ENOX1: variants seen among roughly 807,000 people sequenced by gnomAD.
ENOX1 encodes ecto-NOX disulfide-thiol exchanger 1, also known as candidate growth-related and time keeping constitutive hydroquinone (NADH) oxidase.
A neutral mutation model predicts 82.5 loss-of-function variants in ENOX1; 42 were observed. The ratio of observed to expected loss-of-function variants is 0.51; its 90% confidence interval spans 0.40 to 0.66. The LOEUF is 0.66. Ranked by LOEUF, ENOX1 falls within the 30% of genes least tolerant of loss-of-function variation. The probability of loss-of-function intolerance (pLI) is 0.00; values close to 1 mark genes in which losing one functional copy is unlikely to be tolerated. For missense variants in ENOX1, 608 were observed against 811.6 expected (o/e 0.75, Z 3.05); for synonymous variants, 271 against 282.2 (o/e 0.96, Z 0.40).
chr13:43,282,076 C>T (rs961592058), intron 12 of ENOX1, among the ~76,000 whole-genome samples: 2 of 152,086 alleles, frequency 1.3e-5, no homozygotes, highest in African/African-American at 4.8e-5. Flanking sequence ...GTTGTTAAAA[C>T]CTTCATTTTT....
intron 1 of ENOX1, among the ~76,000 whole-genome samples, chr13:43,719,833 C>T (rs7995113): frequency 0.2 from 30,549 of 152,022 alleles, 3,174 homozygotes; most frequent in South Asian, 0.28. Context: ...GAGTCTCTTG[C>T]CCAATTCTGA....
chr13:43,525,291 C>T (rs112380575), intron 2 of ENOX1, among the ~76,000 whole-genome samples: 1,599 of 152,214 alleles, frequency 0.011, 31 homozygotes, highest in African/African-American at 0.036. Context: ...CCCCTGGCAA[C>T]CACCATTCTA....
intron 1 of ENOX1, among the ~76,000 whole-genome samples, chr13:43,676,154 T>C (rs2085498469): frequency 1.3e-5 from 2 of 152,192 alleles, no homozygotes. Context: ...TAGCCTCATC[T>C]GGAATTCTTC....
At chr13:43,339,587 A>C (rs1363928475) in intron 9 of ENOX1, among the ~76,000 whole-genome samples, 1 of 152,158 alleles carries the variant, frequency 6.6e-6, no homozygotes. Context: ...CCTGCTTCCA[A>C]ACCACCTCAC....
At chr13:43,305,332 A>G (rs1335109339) in intron 11 of ENOX1, among the ~76,000 whole-genome samples, 1 of 152,198 alleles carries the variant, frequency 6.6e-6, no homozygotes, top group Non-Finnish European at 1.5e-5. Context: ...GATTATTATT[A>G]TTACAACTTA....
intron 5 of ENOX1, among the ~76,000 whole-genome samples, chr13:43,375,221 G>A (rs993660449): frequency 1.3e-5 from 2 of 151,970 alleles, no homozygotes; most frequent in African/African-American, 4.8e-5. Flanking sequence ...ATACAGAAGT[G>A]TGACAGGTGA....
rs377537641 is a variant in ENOX1 at position 43,608,615 on chromosome 13, A to T, written c.-219+58864T>A. Among the ~76,000 whole-genome samples the T allele has an allele frequency of 2.5e-3, 374 of 152,306 alleles. 2 individuals carry two copies. The highest frequency in any genetic ancestry group is 7.7e-3 in the African/African-American group (319 of 41,584). On this transcript the variant is annotated intron_variant, in intron 2 of 16. Coordinates refer to ENST00000690772, the MANE Select transcript of ENOX1 (RefSeq NM_001347969.2). The stretch of plus-strand genomic sequence containing the variant: ...CTCAGGGCTACTGGTCATAGGAGTT[A>T]ACCAAGAACTGCCTTCTGCCATCTC...
intron 3 of ENOX1, among the ~76,000 whole-genome samples, chr13:43,418,646 A>G (rs749564063): frequency 6.6e-6 from 1 of 152,232 alleles, no homozygotes; most frequent in Admixed American, 6.5e-5. Flanking sequence ...TTCATGACCA[A>G]TTATGAAATT....
chr13:43,698,795 G>A (rs930154929), intron 1 of ENOX1, among the ~76,000 whole-genome samples: 4 of 152,102 alleles, frequency 2.6e-5, no homozygotes, highest in African/African-American at 9.7e-5. Flanking sequence ...AAAACTAAAT[G>A]TCTCCCAACG....
At chr13:43,470,293 TAC>T (rs1227785930) in intron 3 of ENOX1, among the ~76,000 whole-genome samples, 13 of 52,056 alleles carry the variant, frequency 2.5e-4, no homozygotes, top group African/African-American at 6.5e-4. Context: ...CATATATATA[TAC>T]ACATATATAT....
At chr13:43,683,317 G>A (rs2085890817) in intron 1 of ENOX1, among the ~76,000 whole-genome samples, 1 of 152,110 alleles carries the variant, frequency 6.6e-6, no homozygotes, top group Non-Finnish European at 1.5e-5. Flanking sequence ...GGAAGGAAAT[G>A]GGGAGCTCAG....
chr13:43,295,411 T>C lies in ENOX1; in HGVS notation c.1446+2935A>G, dbSNP rs1381840085. The stretch of plus-strand genomic sequence containing the variant: ...TTCCAGACAAAGTCACCCAAGAGTT[T>C]TTCCATGTTAGGAACCCTGCCCATA... On this transcript the variant is annotated intron_variant, in intron 12 of 16. Transcript: ENST00000690772. 5.9e-5 allele frequency among the ~76,000 whole-genome samples: 9 copies of C among 152,336 alleles called. No homozygotes were observed. The East Asian group carries it at 1.7e-3, about 29-fold the overall frequency.
chr13:43,218,099 T>G (rs946063929), intron 16 of ENOX1, among the ~76,000 whole-genome samples: 1 of 152,162 alleles, frequency 6.6e-6, no homozygotes, highest in Admixed American at 6.5e-5. Context: ...AGCTAAGAAG[T>G]GATGAAACTG....
intron 14 of ENOX1, among the ~76,000 whole-genome samples, chr13:43,247,877 A>ATTTTTT (rs2043211402): frequency 9.3e-5 from 1 of 10,776 alleles, no homozygotes; most frequent in Non-Finnish European, 2.2e-4. Context: ...ATATATATAT[A>ATTTTTT]TATATATTTT....
chr13:43,252,326 T>C lies in ENOX1; in HGVS notation c.1611+13072A>G, dbSNP rs17064335. Among the ~76,000 whole-genome samples the C allele has an allele frequency of 4.0e-3, 604 of 152,300 alleles. 6 individuals carry two copies. The highest frequency in any genetic ancestry group is 0.013 in the African/African-American group (558 of 41,558). ...AAAAAATTAATAGATTTCTGCTCTA[T>C]TAAGTGTTCCAAGCCTGGCGGAATG... On this transcript the variant is annotated intron_variant, in intron 14 of 16. Coordinates refer to ENST00000690772, the MANE Select transcript of ENOX1 (RefSeq NM_001347969.2).
intron 1 of ENOX1, among the ~76,000 whole-genome samples, chr13:43,725,734 G>A (rs5019571): frequency 0.093 from 14,139 of 151,718 alleles, 1,076 homozygotes; most frequent in East Asian, 0.27. Flanking sequence ...GGGAGGCAGA[G>A]GCCAGCAGAT....
chr13:43,545,413 G>C (rs766245336), intron 2 of ENOX1: 1 of 152,192 alleles, frequency 6.6e-6, no homozygotes, highest in Non-Finnish European at 1.5e-5. Context: ...TCATCTTTTT[G>C]TAAAGATTCT....
intron 2 of ENOX1, among the ~76,000 whole-genome samples, chr13:43,536,731 T>C (rs974174060): frequency 5.3e-5 from 8 of 152,220 alleles, no homozygotes; most frequent in African/African-American, 1.7e-4. Context: ...CACAACCTTA[T>C]ATGCTCAGAA....
At chr13:43,741,573 A>C (rs964988309) in intron 1 of ENOX1, among the ~76,000 whole-genome samples, 1 of 152,076 alleles carries the variant, frequency 6.6e-6, no homozygotes, top group Non-Finnish European at 1.5e-5. Flanking sequence ...ATCTTTGCCC[A>C]TTTTCGAATT....
Sources: gnomAD v4.1 joint callset for allele counts (sites outside exome capture counted in the v4.1 genomes callset) on GRCh38, gnomAD v4.1.1 for gene constraint, MANE v1.5 for transcripts, NCBI Gene and HGNC (gene_info 2026-07-23, HGNC 2026-07-21) for gene names.